MGAT4C: variants seen among roughly 807,000 people sequenced by gnomAD.
MGAT4C encodes alpha-1,3-mannosyl-glycoprotein 4-beta-N-acetylglucosaminyltransferase C.
A neutral mutation model predicts 40.1 loss-of-function variants in MGAT4C; 19 were observed. The observed-to-expected ratio is 0.47, with a 90% CI of 0.33 to 0.70. The LOEUF (loss-of-function observed/expected upper bound fraction) is 0.70, where lower values mean the gene tolerates loss of function less well. MGAT4C is among the 30% of genes least tolerant of loss of function. MGAT4C has a pLI of 0.02. For missense variants in MGAT4C, 491 were observed against 563.2 expected (o/e 0.87, Z 1.30); for synonymous variants, 181 against 187.1 (o/e 0.97, Z 0.27).
chr12:86,717,724 C>T (rs1174272825), intron 2 of MGAT4C, among the ~76,000 whole-genome samples: 1 of 152,064 alleles, frequency 6.6e-6, no homozygotes, highest in Non-Finnish European at 1.5e-5. Flanking sequence ...GAAATAAACA[C>T]TCAAGGTGAG....
intron 2 of MGAT4C, among the ~76,000 whole-genome samples, chr12:86,480,445 CATAT>C (rs1216084792): frequency 6.7e-6 from 1 of 150,088 alleles, no homozygotes; most frequent in African/African-American, 2.4e-5. Flanking sequence ...TGTATGTATA[CATAT>C]ATAGATATGT....
intron 1 of MGAT4C, among the ~76,000 whole-genome samples, chr12:86,075,065 T>G (rs1869420686): frequency 6.6e-6 from 1 of 152,116 alleles, no homozygotes; most frequent in Admixed American, 6.5e-5. Flanking sequence ...CATTTCAGCA[T>G]TAACCCAAAA....
At chr12:86,121,510 C>A (rs1184840980) in intron 1 of MGAT4C, among the ~76,000 whole-genome samples, 1 of 152,164 alleles carries the variant, frequency 6.6e-6, no homozygotes, top group Non-Finnish European at 1.5e-5. Context: ...GGTCAGGTTA[C>A]CCACAAAACG....
intron 1 of MGAT4C, among the ~76,000 whole-genome samples, chr12:86,196,303 G>A (rs1949802089): frequency 6.6e-6 from 1 of 152,290 alleles, no homozygotes; most frequent in Non-Finnish European, 1.5e-5. Context: ...TAAGGCTCAC[G>A]CATAATCCTC....
Position 86,266,308 on chromosome 12 carries a change from T to A in MGAT4C, c.-57+67757A>T, listed in dbSNP as rs375117075. 7.9e-5 allele frequency among the ~76,000 whole-genome samples: 12 copies of A among 152,318 alleles called. No individual in the cohort carries two copies. The South Asian group carries it at 8.3e-4, about 11-fold the overall frequency. On this transcript the variant is annotated intron_variant, in intron 4 of 7. Coordinates refer to the MGAT4C transcript ENST00000548651. ...ATGACATTTATTATTTTGAGGCATG[T>A]TCCTTCAATGCCTAGTTAAATGAGG...
chr12:86,407,143 T>A (rs180825011), intron 3 of MGAT4C, among the ~76,000 whole-genome samples: 1 of 152,100 alleles, frequency 6.6e-6, no homozygotes, highest in Non-Finnish European at 1.5e-5. Context: ...AGAATACAGA[T>A]GAACAGCCAG....
chr12:86,067,402 T>G (rs1402670632), intron 1 of MGAT4C, among the ~76,000 whole-genome samples: 5 of 152,176 alleles, frequency 3.3e-5, no homozygotes, highest in Non-Finnish European at 7.3e-5. Context: ...TTCATTTTCT[T>G]TGCAGGGACA....
chr12:85,995,790 C>A (rs1245358517), intron 2 of MGAT4C, among the ~76,000 whole-genome samples: 1 of 152,046 alleles, frequency 6.6e-6, no homozygotes. Context: ...ATTACTCAAG[C>A]CTGGGAGGTC....
chr12:86,773,563 A>T (rs1951676505), intron 1 of MGAT4C, among the ~76,000 whole-genome samples: 1 of 152,214 alleles, frequency 6.6e-6, no homozygotes, highest in South Asian at 2.1e-4. Flanking sequence ...TGAGGAATTA[A>T]TATTTTCCTA....
At chr12:86,338,022 A>C (rs898482381) in intron 3 of MGAT4C, among the ~76,000 whole-genome samples, 8 of 152,160 alleles carry the variant, frequency 5.3e-5, no homozygotes, top group Non-Finnish European at 1.0e-4. Flanking sequence ...CAATGGGTTC[A>C]CCTTGCCTGC....
chr12:86,035,427 GT>G (rs969891889), intron 2 of MGAT4C, among the ~76,000 whole-genome samples: 1 of 149,856 alleles, frequency 6.7e-6, no homozygotes, highest in Non-Finnish European at 1.5e-5. Context: ...TGATGGGGTT[GT>G]TTTTTTCTTG....
intron 1 of MGAT4C, among the ~76,000 whole-genome samples, chr12:86,161,609 T>C (rs1885597194): frequency 6.6e-6 from 1 of 152,274 alleles, no homozygotes; most frequent in Middle Eastern, 3.4e-3. Context: ...AAATAATTTT[T>C]GGCTAAGTTC....
chr12:86,100,068 C>G (rs1355156674), intron 1 of MGAT4C, among the ~76,000 whole-genome samples: 1 of 125,760 alleles, frequency 8.0e-6, no homozygotes, highest in Non-Finnish European at 1.7e-5. Context: ...ATTCGAATAG[C>G]ATTTCTATTT....
intron 1 of MGAT4C, among the ~76,000 whole-genome samples, chr12:86,764,167 G>C (rs1235455457): frequency 6.6e-6 from 1 of 152,162 alleles, no homozygotes; most frequent in East Asian, 1.9e-4. Flanking sequence ...CCCGAATACT[G>C]TGCTTTTCTG....
chr12:86,371,886 T>C (rs1029519810), intron 3 of MGAT4C, among the ~76,000 whole-genome samples: 1 of 151,918 alleles, frequency 6.6e-6, no homozygotes. Context: ...GGTAATATAA[T>C]AAGTCATGAA....
chr12:86,336,234 G>C (rs1429449950), intron 3 of MGAT4C, among the ~76,000 whole-genome samples: 2 of 152,118 alleles, frequency 1.3e-5, no homozygotes, highest in Non-Finnish European at 2.9e-5. Flanking sequence ...GGAACCTGCA[G>C]ATACAGAGAG....
At chr12:86,067,747 T>G (rs1332418116) in intron 1 of MGAT4C, among the ~76,000 whole-genome samples, 1 of 152,118 alleles carries the variant, frequency 6.6e-6, no homozygotes, top group Non-Finnish European at 1.5e-5. Flanking sequence ...AAATGTTTCT[T>G]TAGTATTTAT....
chr12:86,349,547 T>C (rs934838462), intron 3 of MGAT4C, among the ~76,000 whole-genome samples: 1 of 152,166 alleles, frequency 6.6e-6, no homozygotes, highest in Non-Finnish European at 1.5e-5. Context: ...ACCCTCTGTT[T>C]TTCTTTTCTT....
At position 86,797,245 on chromosome 12, in the gene MGAT4C, C is replaced by T. The variant is rs977504786; in HGVS notation, c.-262+41421G>A. Among the ~76,000 whole-genome samples the T allele has an allele frequency of 1.3e-4, 19 of 151,860 alleles. No individual in the cohort carries two copies. In the East Asian group the frequency reaches 1.5e-3, roughly 12 times the overall value. ...TCCAGAAGTCATAAGCAATTTCAAG[C>T]GCCTTCCCATTATAAAAAAATAAAT... On this transcript the variant is annotated intron_variant, in intron 1 of 7. Transcript: ENST00000548651.
Sources: gnomAD v4.1 joint callset for allele counts (sites outside exome capture counted in the v4.1 genomes callset) on GRCh38, gnomAD v4.1.1 for gene constraint, MANE v1.5 for transcripts, NCBI Gene and HGNC (gene_info 2026-07-23, HGNC 2026-07-21) for gene names.